TAF1: variants seen among roughly 807,000 people sequenced by gnomAD.
The protein encoded by TAF1 is TATA-box binding protein associated factor 1, also known as transcription initiation factor TFIID subunit 1.
TAF1 carries 2 observed loss-of-function variants against 138.5 expected under a neutral mutation model. The ratio of observed to expected loss-of-function variants is 0.01; its 90% CI spans 0.01 to 0.05. The LOEUF is 0.05. Ranked by LOEUF, TAF1 falls within the 10% of genes least tolerant of loss-of-function variation. The probability of loss-of-function intolerance (pLI) is 1.00; values close to 1 mark genes in which losing one functional copy is unlikely to be tolerated. For synonymous variants in TAF1, 437 were observed against 503.2 expected, an observed-to-expected ratio of 0.87 and a Z score of 1.76; for missense variants, 709 against 1,478.0, an observed-to-expected ratio of 0.48 and a Z score of 8.53.
intron 13 of TAF1, among the ~76,000 whole-genome samples, chrX:71,510,153 T>A (rs190334814): frequency 3.5e-4 from 39 of 110,487 alleles, no homozygotes; most frequent in Non-Finnish European, 1.9e-5. Context: ...CAGAGCAAGA[T>A]CCTGTCTCTT....
chrX:71,437,834 C>CTT (rs1163295877), intron 32 of TAF1, among the ~76,000 whole-genome samples: 43 of 93,651 alleles, frequency 4.6e-4, no homozygotes, highest in Non-Finnish European at 3.4e-4. Flanking sequence ...GTCATTTTAA[C>CTT]TTTTTTTTTT....
At position 71,392,613 on chromosome X, in the gene TAF1, C is replaced by A. The variant is rs1434987854; in HGVS notation, c.2826C>A (p.Ala942=). ...PWNTTRAFIA[A]MKGKCLLEVT... is the part of the protein sequence containing the mutation. ...ACACCACAAGGGCCTTCATTGCTGC[C>A]ATGAAGGGCAAGTGTCTGCTAGAGG... Residue 942 remains alanine, a synonymous_variant, in exon 19 of 38, where the codon GCC becomes GCA. Coordinates refer to ENST00000423759, the MANE Select transcript of TAF1 (RefSeq NM_004606.5). 4 of 1,206,081 alleles carry A rather than the reference C, an allele frequency of 3.3e-6. No individual in the cohort carries two copies.
At chrX:71,471,722 C>T (rs1461290129) in intron 13 of TAF1, among the ~76,000 whole-genome samples, 1 of 111,405 alleles carries the variant, frequency 9.0e-6, no homozygotes, top group Non-Finnish European at 1.9e-5. Flanking sequence ...GGGTGGGAAG[C>T]GGGCCTGAGC....
chrX:71,514,259 G>T (rs1408794116), intron 13 of TAF1, among the ~76,000 whole-genome samples: 1 of 110,428 alleles, frequency 9.1e-6, no homozygotes, highest in African/African-American at 3.3e-5. Context: ...GTTCAAGGCT[G>T]CAGTGAGCTA....
At chrX:71,424,538 C>T (rs771890045) in intron 32 of TAF1, among the ~76,000 whole-genome samples, 4 of 108,186 alleles carry the variant, frequency 3.7e-5, no homozygotes, top group Admixed American at 3.0e-4. Context: ...TGAGCCAACA[C>T]GCCTAACCAG....
rs192674351 is a variant in TAF1 at position 71,495,975 on chromosome X, C to T, written c.1367-32567C>T. Among the ~76,000 whole-genome samples the T allele has an allele frequency of 2.7e-5, 3 of 112,467 alleles. No homozygotes were observed. The Admixed American group carries it at 2.8e-4, about 11-fold the overall frequency. On this transcript the variant is annotated intron_variant and NMD_transcript_variant, in intron 13 of 14. Transcript: ENST00000373775. Reference sequence around the variant, plus strand: ...TTTTTCTTTGCTATTAATAAAACCTCGTTCAGTCCATATTAACTTAGAATT... The same window carrying T: ...TTTTTCTTTGCTATTAATAAAACCTTGTTCAGTCCATATTAACTTAGAATT...
chrX:71,426,643 A>C (rs1193672613), intron 32 of TAF1, among the ~76,000 whole-genome samples: 1 of 108,292 alleles, frequency 9.2e-6, no homozygotes, highest in Non-Finnish European at 1.9e-5. Context: ...TGTACCCTGG[A>C]GGTGGAGGTT....
intron 14 of TAF1, among the ~76,000 whole-genome samples, chrX:71,529,102 C>T (rs755525231): frequency 2.3e-4 from 24 of 106,524 alleles, no homozygotes; most frequent in Admixed American, 1.3e-3. Context: ...GACAGAGTCT[C>T]GCTCTGTCGC....
At chrX:71,458,393 G>A in intron 35 of TAF1, 27 bp downstream of exon 35, 1 of 1,202,763 alleles carries the variant, frequency 8.3e-7, no homozygotes, top group East Asian at 3.0e-5. Context: ...CTCTTTATAA[G>A]ATTGTTATTG....
At chrX:71,387,207 C>T (rs2034282212) in intron 14 of TAF1, 54 bp from the exon 15 acceptor site, 3 of 1,167,875 alleles carry the variant, frequency 2.6e-6, no homozygotes, top group Non-Finnish European at 3.5e-6. Flanking sequence ...CAGCAGTTGA[C>T]TGAATTTCCT....
intron 28 of TAF1, among the ~76,000 whole-genome samples, chrX:71,418,582 A>G (rs2036154499): frequency 8.9e-6 from 1 of 112,352 alleles, no homozygotes; most frequent in Non-Finnish European, 1.9e-5. Context: ...AAGGATAGAC[A>G]GAGGAATACA....
At chrX:71,491,040 G>GTTTTTTT (rs1210295875) in intron 13 of TAF1, 3 of 69,741 alleles carry the variant, frequency 4.3e-5, no homozygotes, top group African/African-American at 1.2e-4. Context: ...TGTTGTTGTT[G>GTTTTTTT]TTGTTTTTTT....
intron 28 of TAF1, among the ~76,000 whole-genome samples, chrX:71,412,475 A>G (rs2035848610): frequency 9.0e-6 from 1 of 111,253 alleles, no homozygotes; most frequent in African/African-American, 3.3e-5. Flanking sequence ...GATGCCCCAC[A>G]TTTTGTCTGT....
chrX:71,452,056 G>A (rs1231444379), intron 32 of TAF1, among the ~76,000 whole-genome samples: 2 of 107,703 alleles, frequency 1.9e-5, no homozygotes, highest in African/African-American at 6.7e-5. Context: ...GGGGCGGCCG[G>A]GCAGAGGCAC....
At chrX:71,368,437 C>T (rs192684538) in intron 3 of TAF1, among the ~76,000 whole-genome samples, 1 of 111,572 alleles carries the variant, frequency 9.0e-6, no homozygotes, top group Non-Finnish European at 1.9e-5. Flanking sequence ...TTTCTTGTCA[C>T]CTGGTATTTG....
chrX:71,408,765 C>T (rs1276432722), intron 28 of TAF1, among the ~76,000 whole-genome samples: 1 of 111,540 alleles, frequency 9.0e-6, no homozygotes, highest in Non-Finnish European at 1.9e-5. Context: ...GTGGCTCACG[C>T]CTGTAATCCC....
At position 71,459,556 on chromosome X, in the gene TAF1, G is replaced by C. The variant is rs145971441; in HGVS notation, c.5069G>C (p.Gly1690Ala). 50 of 1,208,673 alleles carry C rather than the reference G, an allele frequency of 4.1e-5. No individual in the cohort carries two copies. The African/African-American group carries it at 7.7e-4, about 19-fold the overall frequency. The change falls in exon 36 of 38, where the codon GGT becomes GCT. Residue 1690 changes from glycine (G) to alanine (A), a missense_variant. Physicochemically the swap from Gly to Ala is moderately conservative, Grantham distance 60 (BLOSUM62 0). Coordinates refer to ENST00000423759, the MANE Select transcript of TAF1 (RefSeq NM_004606.5). ...CCCCCAACTGGTCTCATTCAGGAAG[G>C]TGAAGATGGAGATGGTGATCTTGCA... is the stretch of plus-strand genomic sequence containing the variant. ...ATPEKQVTQE[G>A]EDGDGDLADE...
chrX:71,515,333 G>A, intron 13 of TAF1, among the ~76,000 whole-genome samples: 1 of 111,682 alleles, frequency 9.0e-6, no homozygotes, highest in Non-Finnish European at 1.9e-5. Context: ...TAATGTCCCA[G>A]CTCTTCACCC....
intron 32 of TAF1, among the ~76,000 whole-genome samples, chrX:71,436,602 C>G (rs957662925): frequency 1.8e-5 from 2 of 111,052 alleles, no homozygotes; most frequent in South Asian, 3.9e-4. Context: ...CTGCCTCAGC[C>G]TCCTTAAGTG....
Sources: allele counts gnomAD v4.1 joint callset (sites outside exome capture counted in the v4.1 genomes callset), GRCh38; gene constraint gnomAD v4.1.1; transcripts MANE v1.5; gene names NCBI Gene and HGNC (gene_info 2026-07-23, HGNC 2026-07-21).